Variants in PRKCB observed in about 807,000 individuals in gnomAD.
PRKCB encodes protein kinase C beta, also known as protein kinase C beta type.
In PRKCB, 13 loss-of-function variants were observed where a neutral mutation model predicts 81.5. That is an observed-to-expected ratio of 0.16 (90% CI 0.10 to 0.25). The LOEUF (loss-of-function observed/expected upper bound fraction) is 0.25, where lower values mean the gene tolerates loss of function less well. Among genes scored for constraint, PRKCB ranks in the 10% least tolerant of loss-of-function variants. The pLI is 1.00. For missense variants in PRKCB, 509 were observed against 875.7 expected, an observed-to-expected ratio of 0.58 and a Z score of 5.29; for synonymous variants, 335 against 321.4, an observed-to-expected ratio of 1.04 and a Z score of -0.45.
At chr16:24,208,771 A>G (rs1968086427) in intron 16 of PRKCB, among the ~76,000 whole-genome samples, 1 of 152,166 alleles carries the variant, frequency 6.6e-6, no homozygotes, top group African/African-American at 2.4e-5. Context: ...GTGTCTCCCA[A>G]GGGCTGACGT....
rs116668733 is a variant in PRKCB, at chr16:24,210,258, C to T, written c.1864-4400C>T. ...AAGGACCCTGCTCTGGCTCGTGGCCCGCTGTGTGGCCCCTTGGTCACTCTG... is the reference window on the plus strand; with the variant it reads ...AAGGACCCTGCTCTGGCTCGTGGCCTGCTGTGTGGCCCCTTGGTCACTCTG... On this transcript the variant is annotated intron_variant, in intron 16 of 16. Coordinates refer to ENST00000643927, the MANE Select transcript of PRKCB (RefSeq NM_002738.7). 2.3e-3 allele frequency among the ~76,000 whole-genome samples: 357 copies of T among 152,250 alleles called. 1 individual carries two copies. The highest frequency in any genetic ancestry group is 7.9e-3 in the African/African-American group (330 of 41,546).
chr16:23,995,254 G>A (rs1184038576), intron 3 of PRKCB, among the ~76,000 whole-genome samples: 2 of 152,152 alleles, frequency 1.3e-5, no homozygotes, highest in Non-Finnish European at 2.9e-5. Context: ...CTTACCAAGG[G>A]GCCCCAAGAG....
chr16:24,019,309 G>A (rs1965328473), intron 3 of PRKCB, among the ~76,000 whole-genome samples: 1 of 151,826 alleles, frequency 6.6e-6, no homozygotes, highest in African/African-American at 2.4e-5. Context: ...TCGCCACTGT[G>A]CTCCAGCCTG....
chr16:24,026,675 A>G (rs1965483626), intron 3 of PRKCB, among the ~76,000 whole-genome samples: 1 of 152,228 alleles, frequency 6.6e-6, no homozygotes, highest in Non-Finnish European at 1.5e-5. Context: ...AAGGGACCAC[A>G]AGAGCCAAGA....
Position 24,107,299 on chromosome 16 carries a change from G to A in PRKCB, c.822-5674G>A, listed in dbSNP as rs79667926. Among the ~76,000 whole-genome samples, 293 of 152,244 alleles carry A rather than the reference G, an allele frequency of 1.9e-3. 4 individuals are homozygous for A. Among genetic ancestry groups the A allele is most frequent in the South Asian group, 0.019 (91 of 4,826 alleles). On this transcript the variant is annotated intron_variant, in intron 7 of 16. Coordinates refer to ENST00000643927, the MANE Select transcript of PRKCB (RefSeq NM_002738.7). ...ATGGGAGTTACTTTGATTCTGCATT[G>A]TTTCTTTCTATTTAAATGACTAAAT...
chr16:24,189,449 T>C (rs1332819420), intron 15 of PRKCB, among the ~76,000 whole-genome samples: 4 of 151,748 alleles, frequency 2.6e-5, no homozygotes, highest in African/African-American at 9.7e-5. Context: ...CCATCCTGGC[T>C]AACATGGTGA....
At chr16:23,917,039 G>A (rs902985037) in intron 2 of PRKCB, among the ~76,000 whole-genome samples, 1 of 152,096 alleles carries the variant, frequency 6.6e-6, no homozygotes, top group African/African-American at 2.4e-5. Flanking sequence ...GCCTCCCAAA[G>A]TGTTGGGGTT....
chr16:23,989,449 G>A (rs1008665134), intron 3 of PRKCB, among the ~76,000 whole-genome samples: 3 of 152,192 alleles, frequency 2.0e-5, no homozygotes, highest in African/African-American at 7.2e-5. Context: ...CTGCTACCAT[G>A]AATCTCAAAG....
intron 5 of PRKCB, among the ~76,000 whole-genome samples, chr16:24,060,061 A>T (rs568969788): frequency 6.6e-6 from 1 of 152,320 alleles, no homozygotes; most frequent in Admixed American, 6.5e-5. Flanking sequence ...TATTTCTGAG[A>T]GGCATCTGAG....
At chr16:23,868,397 C>CA (rs1183244142) in intron 2 of PRKCB, among the ~76,000 whole-genome samples, 3 of 152,210 alleles carry the variant, frequency 2.0e-5, no homozygotes, top group African/African-American at 7.2e-5. Flanking sequence ...TTCTCTGGGA[C>CA]ATGTACTGGC....
chr16:24,093,492 C>T (rs889531687), intron 6 of PRKCB, among the ~76,000 whole-genome samples: 3 of 152,210 alleles, frequency 2.0e-5, no homozygotes, highest in African/African-American at 7.2e-5. Context: ...GTGACAAACA[C>T]TGGGTTAAGC....
chr16:24,030,779 T>A (rs986699143), intron 3 of PRKCB, among the ~76,000 whole-genome samples: 1 of 151,072 alleles, frequency 6.6e-6, no homozygotes, highest in Non-Finnish European at 1.5e-5. Flanking sequence ...ATGCCTGTAG[T>A]CCCAGCTACT....
At chr16:24,012,148 C>T (rs914030098) in intron 3 of PRKCB, among the ~76,000 whole-genome samples, 5 of 152,182 alleles carry the variant, frequency 3.3e-5, no homozygotes, top group Admixed American at 6.5e-5. Context: ...ATTCCTTCAC[C>T]CTCATTTTCT....
At chr16:24,020,363 G>A (rs1965342527) in intron 3 of PRKCB, among the ~76,000 whole-genome samples, 1 of 152,030 alleles carries the variant, frequency 6.6e-6, no homozygotes, top group Admixed American at 6.6e-5. Context: ...AAGTAATTGC[G>A]GTTTTTGCCA....
Position 24,191,105 on chromosome 16 carries a change from C to A in PRKCB, c.1738C>A (p.Pro580Thr). The change falls in exon 16 of 17, where the codon CCA becomes ACA. Residue 580 changes from proline (P) to threonine (T), a missense_variant. Around this residue, in one of 6 missense-constraint regions of PRKCB, gnomAD observed 104 missense variants for 160.5 expected, o/e 0.65. Transcript: ENST00000643927. ...AICKGLMTKH[P>T]GKRLGCGPEG... ...TCTCTCGAAGCTGATGACCAAACAC[C>A]CAGGCAAACGTCTGGGTTGTGGACC... 1 of 1,613,752 alleles carries A rather than the reference C, an allele frequency of 6.2e-7. No individual in the cohort carries two copies. Among genetic ancestry groups the A allele is most frequent in the Non-Finnish European group, 8.5e-7 (1 of 1,179,832 alleles).
At chr16:24,050,275 T>C (rs1262221883) in intron 5 of PRKCB, among the ~76,000 whole-genome samples, 1 of 152,218 alleles carries the variant, frequency 6.6e-6, no homozygotes, top group African/African-American at 2.4e-5. Context: ...GGGCCGAGTA[T>C]GCCATCATTG....
Position 24,217,731 on chromosome 16 carries a change from G to T in PRKCB, c.*2915G>T. Reference sequence around the variant, plus strand: ...TCTTTGATAAGAGGCCCACAGGCAGGGAAAGCGAAATAGGGTTGATGAGAC... The same window carrying T: ...TCTTTGATAAGAGGCCCACAGGCAGTGAAAGCGAAATAGGGTTGATGAGAC... On this transcript the variant is annotated 3_prime_UTR_variant, in exon 17 of 17. Transcript: ENST00000643927. 1.0e-6 allele frequency: 1 copy of T among 985,410 alleles called. No individual in the cohort carries two copies. Among genetic ancestry groups the T allele is most frequent in the Non-Finnish European group, 1.2e-6 (1 of 829,954 alleles). 61.0% of individuals were successfully genotyped at this position (985,410 alleles called of 1,614,324 possible).
chr16:23,997,279 T>C (rs1261317970), intron 3 of PRKCB, among the ~76,000 whole-genome samples: 2 of 152,212 alleles, frequency 1.3e-5, no homozygotes, highest in African/African-American at 4.8e-5. Flanking sequence ...TGTGTCTGGA[T>C]ACAGGAGATC....
intron 2 of PRKCB, among the ~76,000 whole-genome samples, chr16:23,854,683 A>G (rs1962532759): frequency 6.6e-6 from 1 of 152,210 alleles, no homozygotes; most frequent in Non-Finnish European, 1.5e-5. Flanking sequence ...AAAGCAAATC[A>G]CAAGCCCACC....
Sources: gnomAD v4.1 joint callset for allele counts (sites outside exome capture counted in the v4.1 genomes callset) on GRCh38, gnomAD v4.1.1 for gene constraint, gnomAD v4.1.1 regional missense constraint, MANE v1.5 for transcripts, NCBI Gene and HGNC (gene_info 2026-07-23, HGNC 2026-07-21) for gene names.